DYRK1A: variants seen among roughly 807,000 people sequenced by gnomAD.
DYRK1A encodes dual specificity tyrosine-phosphorylation-regulated kinase 1A.
DYRK1A carries 9 observed loss-of-function variants against 79.7 expected under a neutral mutation model. The observed-to-expected ratio is 0.11, with a 90% CI of 0.07 to 0.20. DYRK1A has a LOEUF of 0.20. DYRK1A is among the 10% of genes least tolerant of loss of function. The pLI is 1.00. For missense variants in DYRK1A, 622 were observed against 956.0 expected (o/e 0.65, Z 4.61); for synonymous variants, 349 against 329.7 (o/e 1.06, Z -0.63).
chr21:37,497,114 A>T (rs2053294582), intron 9 of DYRK1A, among the ~76,000 whole-genome samples: 1 of 144,102 alleles, frequency 6.9e-6, no homozygotes, highest in South Asian at 2.3e-4. Flanking sequence ...TTAAGAGTTT[A>T]TTTTTGTTTC....
chr21:37,427,591 T>C (rs548118998), intron 2 of DYRK1A, among the ~76,000 whole-genome samples: 52 of 152,344 alleles, frequency 3.4e-4, no homozygotes, highest in Middle Eastern at 6.8e-3. Context: ...GATACTATTA[T>C]CGTGTTTTTT....
intron 2 of DYRK1A, among the ~76,000 whole-genome samples, chr21:37,455,866 A>AGGG (rs1489597666): frequency 6.6e-6 from 1 of 152,194 alleles, no homozygotes; most frequent in African/African-American, 2.4e-5. Flanking sequence ...GCAGATGGAA[A>AGGG]GGGAGGTATG....
intron 4 of DYRK1A, among the ~76,000 whole-genome samples, chr21:37,479,335 A>G (rs548664357): frequency 2.9e-4 from 44 of 152,304 alleles, no homozygotes; most frequent in Non-Finnish European, 4.9e-4. Flanking sequence ...TAAATTGTTG[A>G]TAACAGTATA....
At chr21:37,403,634 T>TAA (rs11349987) in intron 1 of DYRK1A, among the ~76,000 whole-genome samples, 179 of 119,674 alleles carry the variant, frequency 1.5e-3, no homozygotes, top group South Asian at 2.5e-3. Flanking sequence ...CTCAGCTAAT[T>TAA]AAAAAAAAAA....
chr21:37,506,168 G>C lies in DYRK1A; in HGVS notation c.1589G>C (p.Gly530Ala). 6.2e-7 allele frequency: 1 copy of C among 1,614,220 alleles called. No individual in the cohort carries two copies. Among genetic ancestry groups the C allele is most frequent in the Non-Finnish European group, 8.5e-7 (1 of 1,180,042 alleles). ...CCGACGCACCAGCATCGGCACAGTG[G>C]TGGGCACTTCACAGCTGCCGTGCAG... Reference protein sequence around the residue: ...SDPTHQHRHSGGHFTAAVQAM... With the variant: ...SDPTHQHRHSAGHFTAAVQAM... The change falls in exon 11 of 12, where the codon GGT becomes GCT. Residue 530 changes from glycine to alanine, a missense_variant. Around this residue, in one of 5 missense-constraint regions of DYRK1A, gnomAD observed 292 missense variants for 316.7 expected, o/e 0.92. Transcript: ENST00000647188.
intron 2 of DYRK1A, among the ~76,000 whole-genome samples, chr21:37,424,462 A>G (rs1036496721): frequency 5.5e-5 from 8 of 146,610 alleles, no homozygotes; most frequent in East Asian, 1.9e-4. Flanking sequence ...GTTGTTTTTC[A>G]TGCCATTTTT....
At chr21:37,462,774 G>C (rs764600797) in intron 2 of DYRK1A, among the ~76,000 whole-genome samples, 1 of 152,046 alleles carries the variant, frequency 6.6e-6, no homozygotes, top group Non-Finnish European at 1.5e-5. Flanking sequence ...TTGTACCCTG[G>C]AAAGTGCCTC....
Position 37,515,419 on chromosome 21 carries a change from C to T in DYRK1A, c.*2888C>T, listed in dbSNP as rs2053868714. The stretch of plus-strand genomic sequence containing the variant: ...ATTGATTTTTTTATTTGAATGTTTA[C>T]ATAATTTTGTGATTCAAAATGCTCA... On this transcript the variant is annotated 3_prime_UTR_variant, in exon 12 of 12. Coordinates refer to ENST00000647188, the MANE Select transcript of DYRK1A (RefSeq NM_001347721.2). 1 of 152,292 alleles carries T rather than the reference C, an allele frequency of 6.6e-6. No homozygotes were observed. Among genetic ancestry groups the T allele is most frequent in the Admixed American group, 6.5e-5 (1 of 15,270 alleles). The allele number at this position is 152,292 out of a possible 1,614,324, so 9.4% of individuals were successfully genotyped here.
In DYRK1A at chr21:37,366,797, TGTTG is replaced by T. The variant is rs1023832168; in HGVS notation, c.-900_-897del. ...CGACCGGGTCGGTCCGTCGCCATTTTGTTGGTTGGTTTTTTTTTAAACCCTTTCG... is the reference window on the plus strand; with the variant it reads ...CGACCGGGTCGGTCCGTCGCCATTTTGTTGGTTTTTTTTTAAACCCTTTCG... On this transcript the variant is annotated 5_prime_UTR_variant, in exon 1 of 12. Transcript: ENST00000647188. 3.3e-5 allele frequency: 5 copies of T among 151,940 alleles called. No homozygotes were observed. Among genetic ancestry groups the T allele is most frequent in the Admixed American group, 1.3e-4 (2 of 15,272 alleles). The allele number at this position is 151,940 out of a possible 1,614,324, so 9.4% of individuals were successfully genotyped here.
chr21:37,414,075 A>G (rs1041144745), intron 1 of DYRK1A, among the ~76,000 whole-genome samples: 14 of 152,110 alleles, frequency 9.2e-5, no homozygotes, highest in Admixed American at 8.5e-4. Flanking sequence ...ATATATATGT[A>G]TATATACATA....
intron 2 of DYRK1A, among the ~76,000 whole-genome samples, chr21:37,453,519 G>A (rs902899614): frequency 3.3e-5 from 5 of 152,182 alleles, no homozygotes; most frequent in Non-Finnish European, 7.3e-5. Flanking sequence ...AGAGAGAGGC[G>A]GAGATAACAG....
In DYRK1A at chr21:37,420,326, C is replaced by T; in HGVS notation, c.-49C>T. Reference sequence around the variant, plus strand: ...TTATAGTTTTGCCGCTGGACTCTTCCCTCCCTTCCCCCACCCCATCAGGAT... The same window carrying T: ...TTATAGTTTTGCCGCTGGACTCTTCTCTCCCTTCCCCCACCCCATCAGGAT... On this transcript the variant is annotated 5_prime_UTR_variant, in exon 2 of 12. Transcript: ENST00000647188. 4 of 1,599,290 alleles carry T rather than the reference C, an allele frequency of 2.5e-6. No homozygotes were observed. Among genetic ancestry groups the T allele is most frequent in the Non-Finnish European group, 1.7e-6 (2 of 1,168,606 alleles).
chr21:37,399,745 C>T (rs1201967603), intron 1 of DYRK1A, among the ~76,000 whole-genome samples: 1 of 152,102 alleles, frequency 6.6e-6, no homozygotes, highest in African/African-American at 2.4e-5. Context: ...TGAAGGTACT[C>T]ACGAGAAAGC....
At chr21:37,488,644 A>G (rs1334432776) in intron 6 of DYRK1A, 2 of 985,308 alleles carry the variant, frequency 2.0e-6, no homozygotes, top group Non-Finnish European at 2.4e-6. Flanking sequence ...CAATGTCTTT[A>G]GTGCTCAGCA....
chr21:37,366,713 GGGA>G (rs147953387), upstream of DYRK1A, among the ~76,000 whole-genome samples: 73 of 152,160 alleles, frequency 4.8e-4, no homozygotes, highest in African/African-American at 1.7e-3. Context: ...GCTGGGGGGC[GGGA>G]GGAGGACGTC....
At chr21:37,403,400 C>T (rs2050087759) in intron 1 of DYRK1A, among the ~76,000 whole-genome samples, 1 of 151,832 alleles carries the variant, frequency 6.6e-6, no homozygotes, top group South Asian at 2.1e-4. Flanking sequence ...CTTTTTCCCC[C>T]TTATTGGATC....
At chr21:37,480,994 G>A (rs1017510065) in intron 5 of DYRK1A, 168 bp downstream of exon 5, 1 of 558,734 alleles carries the variant, frequency 1.8e-6, no homozygotes, top group Non-Finnish European at 3.1e-6. Flanking sequence ...TAGTGATACT[G>A]CATCAGTAAT....
intron 1 of DYRK1A, among the ~76,000 whole-genome samples, chr21:37,376,947 T>C (rs1034262577): frequency 9.9e-5 from 15 of 152,204 alleles, no homozygotes; most frequent in African/African-American, 3.1e-4. Flanking sequence ...CACACAATTA[T>C]ATATATTATA....
chr21:37,488,594 A>T, intron 6 of DYRK1A: 4 of 985,360 alleles, frequency 4.1e-6, no homozygotes, highest in Middle Eastern at 5.2e-4. Context: ...AAATTTGGTT[A>T]AAAAGACTGA....
Sources: allele counts gnomAD v4.1 joint callset (sites outside exome capture counted in the v4.1 genomes callset), GRCh38; gene constraint gnomAD v4.1.1; regional missense constraint gnomAD v4.1.1; transcripts MANE v1.5; gene names NCBI Gene and HGNC (gene_info 2026-07-23, HGNC 2026-07-21).